DPYD: variants seen among roughly 807,000 people sequenced by gnomAD.
DPYD encodes the protein dihydropyrimidine dehydrogenase [NADP(+)].
A neutral mutation model predicts 116.2 loss-of-function variants in DPYD; 109 were observed. The ratio of observed to expected loss-of-function variants is 0.94; its 90% CI spans 0.80 to 1.10. DPYD has a LOEUF of 1.10. DPYD is among the 50% of genes least tolerant of loss of function. The probability of loss-of-function intolerance (pLI) is 0.00; values close to 1 mark genes in which losing one functional copy is unlikely to be tolerated. For synonymous variants in DPYD, 440 were observed against 432.0 expected (o/e 1.02, Z -0.23); for missense variants, 1,302 against 1,254.5 (o/e 1.04, Z -0.57).
intron 16 of DPYD, among the ~76,000 whole-genome samples, chr1:97,329,856 A>G (rs1668899809): frequency 6.7e-6 from 1 of 149,732 alleles, no homozygotes; most frequent in Non-Finnish European, 1.5e-5. Flanking sequence ...CAAAAGAATG[A>G]CTATCAGGTC....
chr1:97,383,023 T>C (rs1009872298), intron 14 of DPYD, among the ~76,000 whole-genome samples: 1 of 152,172 alleles, frequency 6.6e-6, no homozygotes, highest in Non-Finnish European at 1.5e-5. Context: ...AGAAATCCCA[T>C]AATGGAGACT....
chr1:97,756,526 A>C (rs1665251638), intron 3 of DPYD, among the ~76,000 whole-genome samples: 1 of 152,228 alleles, frequency 6.6e-6, no homozygotes, highest in South Asian at 2.1e-4. Context: ...AGAAAGAAGA[A>C]GAGAAACTTA....
intron 21 of DPYD, among the ~76,000 whole-genome samples, chr1:97,086,103 G>C (rs1231094397): frequency 1.3e-5 from 2 of 152,138 alleles, no homozygotes; most frequent in Non-Finnish European, 1.5e-5. Flanking sequence ...GCCCAGGCTG[G>C]AGTGCAGTGG....
chr1:97,794,789 G>A (rs551863937), intron 3 of DPYD, among the ~76,000 whole-genome samples: 1 of 152,148 alleles, frequency 6.6e-6, no homozygotes, highest in East Asian at 1.9e-4. Flanking sequence ...CTTATTTCAG[G>A]GCAGGGTACA....
At chr1:97,920,281 G>A (rs1240150081) in intron 1 of DPYD, among the ~76,000 whole-genome samples, 3 of 152,068 alleles carry the variant, frequency 2.0e-5, no homozygotes, top group African/African-American at 7.2e-5. Flanking sequence ...CCGTTGAGAG[G>A]AGAGAAAAAT....
In DPYD at chr1:97,362,732, G is replaced by A. The variant is rs575423251; in HGVS notation, c.2058+10829C>T. 4.6e-5 allele frequency among the ~76,000 whole-genome samples: 7 copies of A among 152,216 alleles called. No individual in the cohort carries two copies. In the East Asian group the frequency reaches 1.4e-3, roughly 29 times the overall value. The stretch of plus-strand genomic sequence containing the variant: ...ATTCCTTATTTAATAAATGGTTCTG[G>A]GAAAACTGGCTAGCCATATGTAGGA... On this transcript the variant is annotated intron_variant, in intron 16 of 22. Transcript: ENST00000370192.
At chr1:97,759,732 G>A (rs543205430) in intron 3 of DPYD, among the ~76,000 whole-genome samples, 1 of 151,958 alleles carries the variant, frequency 6.6e-6, no homozygotes, top group South Asian at 2.1e-4. Flanking sequence ...TGTTACTAAA[G>A]GCATGATTCT....
intron 16 of DPYD, among the ~76,000 whole-genome samples, chr1:97,362,390 T>C (rs1166789237): frequency 2.6e-5 from 4 of 152,146 alleles, no homozygotes; most frequent in Non-Finnish European, 4.4e-5. Flanking sequence ...AGGTAATTCA[T>C]AGAATCAATG....
intron 1 of DPYD, among the ~76,000 whole-genome samples, chr1:97,910,323 A>T (rs570107408): frequency 1.3e-3 from 191 of 152,126 alleles, no homozygotes; most frequent in African/African-American, 4.1e-3. Flanking sequence ...TTTTAGATTT[A>T]AAAAAAGAGA....
chr1:97,797,430 G>T (rs1243953624), intron 3 of DPYD: 3 of 145,780 alleles, frequency 2.1e-5, no homozygotes, highest in African/African-American at 7.6e-5. Flanking sequence ...TTGGCCAAAA[G>T]GATAGTAGCT....
intron 6 of DPYD, among the ~76,000 whole-genome samples, chr1:97,697,545 G>A (rs991428600): frequency 2.0e-5 from 3 of 152,064 alleles, no homozygotes; most frequent in East Asian, 1.9e-4. Context: ...TGTACCATGG[G>A]ACAGTACAAA....
intron 16 of DPYD, among the ~76,000 whole-genome samples, chr1:97,366,529 T>C (rs1350598584): frequency 6.6e-6 from 1 of 152,174 alleles, no homozygotes; most frequent in Non-Finnish European, 1.5e-5. Flanking sequence ...ATCATCCCAC[T>C]GAGGCCAACC....
At chr1:97,529,083 A>C (rs1241540951) in intron 12 of DPYD, among the ~76,000 whole-genome samples, 1 of 152,010 alleles carries the variant, frequency 6.6e-6, no homozygotes, top group Admixed American at 6.6e-5. Context: ...GGACATTTAC[A>C]CTTGCTATTT....
intron 21 of DPYD, among the ~76,000 whole-genome samples, chr1:97,093,310 A>C (rs1650016606): frequency 6.6e-6 from 1 of 152,152 alleles, no homozygotes; most frequent in Non-Finnish European, 1.5e-5. Flanking sequence ...TATGCAATAA[A>C]GATTTCCTGA....
intron 10 of DPYD, among the ~76,000 whole-genome samples, chr1:97,582,422 G>T (rs1465424390): frequency 6.6e-6 from 1 of 152,126 alleles, no homozygotes; most frequent in Non-Finnish European, 1.5e-5. Flanking sequence ...TAGTTATCTT[G>T]GTTACCAAGG....
At chr1:97,202,417 T>A (rs530849756) in intron 19 of DPYD, among the ~76,000 whole-genome samples, 1 of 152,140 alleles carries the variant, frequency 6.6e-6, no homozygotes, top group African/African-American at 2.4e-5. Flanking sequence ...TATTTTTCAG[T>A]GTAACTCTGT....
chr1:97,257,961 A>C (rs1663614808), intron 18 of DPYD, among the ~76,000 whole-genome samples: 1 of 152,140 alleles, frequency 6.6e-6, no homozygotes, highest in African/African-American at 2.4e-5. Flanking sequence ...GGTCATCTTT[A>C]CTTGAAGATG....
chr1:97,589,116 T>C (rs1654339264), intron 10 of DPYD, among the ~76,000 whole-genome samples: 1 of 152,194 alleles, frequency 6.6e-6, no homozygotes, highest in African/African-American at 2.4e-5. Context: ...ACCCTAAAGT[T>C]TGAAAACCTC....
At chr1:97,656,308 C>T (rs767046467) in intron 8 of DPYD, among the ~76,000 whole-genome samples, 1 of 152,160 alleles carries the variant, frequency 6.6e-6, no homozygotes, top group Non-Finnish European at 1.5e-5. Context: ...CTGGTCTAGA[C>T]ATTGGGTTTA....
Sources: gnomAD v4.1 joint callset for allele counts (sites outside exome capture counted in the v4.1 genomes callset) on GRCh38, gnomAD v4.1.1 for gene constraint, MANE v1.5 for transcripts, NCBI Gene and HGNC (gene_info 2026-07-23, HGNC 2026-07-21) for gene names.